The following PCDH15 variants were observed in gnomAD, a reference collection of about 807,000 sequenced individuals.
The protein encoded by PCDH15 is protocadherin-15.
In PCDH15, 129 loss-of-function variants were observed where a neutral mutation model predicts 178.5. That is an observed-to-expected ratio of 0.72 (90% CI 0.63 to 0.84). The LOEUF (loss-of-function observed/expected upper bound fraction) is 0.84, where lower values mean the gene tolerates loss of function less well. Among genes scored for constraint, PCDH15 ranks in the 40% least tolerant of loss-of-function variants. PCDH15 has a pLI of 0.00. For missense variants in PCDH15, 2,230 were observed against 2,099.9 expected, an observed-to-expected ratio of 1.06 and a Z score of -1.21; for synonymous variants, 800 against 732.0, an observed-to-expected ratio of 1.09 and a Z score of -1.50.
chr10:54,634,703 C>G (rs536094769), intron 2 of PCDH15, among the ~76,000 whole-genome samples: 1 of 152,086 alleles, frequency 6.6e-6, no homozygotes, highest in African/African-American at 2.4e-5. Flanking sequence ...TTTAAAGATG[C>G]TTGCGCGTAT....
intron 34 of PCDH15, among the ~76,000 whole-genome samples, chr10:53,816,678 A>C (rs544668048): frequency 5.3e-5 from 8 of 152,212 alleles, no homozygotes; most frequent in African/African-American, 1.9e-4. Context: ...TTCCTTCCCA[A>C]TCACATTAAA....
At chr10:54,378,690 A>T in intron 4 of PCDH15, 92 bp downstream of exon 4, 1 of 1,394,382 alleles carries the variant, frequency 7.2e-7, no homozygotes, top group East Asian at 2.5e-5. Flanking sequence ...AACTCAAATT[A>T]TGTAAATAAT....
intron 3 of PCDH15, among the ~76,000 whole-genome samples, chr10:54,422,613 C>T (rs1266373016): frequency 2.0e-5 from 3 of 152,156 alleles, no homozygotes; most frequent in African/African-American, 7.2e-5. Flanking sequence ...ACCTCCTCCT[C>T]TCCAAGTTTT....
chr10:53,877,160 T>C (rs979252375), intron 26 of PCDH15, among the ~76,000 whole-genome samples: 2 of 152,154 alleles, frequency 1.3e-5, no homozygotes, highest in Non-Finnish European at 2.9e-5. Flanking sequence ...TTTTATTTTT[T>C]CCTTTCTTTT....
chr10:54,663,287 T>C (rs1271032147), intron 2 of PCDH15, among the ~76,000 whole-genome samples: 1 of 151,578 alleles, frequency 6.6e-6, no homozygotes, highest in Non-Finnish European at 1.5e-5. Flanking sequence ...CTGTGCATCA[T>C]GAATGCCAAA....
intron 8 of PCDH15, among the ~76,000 whole-genome samples, chr10:54,315,332 T>C (rs2061176394): frequency 6.6e-6 from 1 of 152,238 alleles, no homozygotes; most frequent in African/African-American, 2.4e-5. Context: ...CACATGTATG[T>C]ATTCTTTTGA....
chr10:54,292,853 T>C (rs2059507902), intron 8 of PCDH15, among the ~76,000 whole-genome samples: 1 of 152,092 alleles, frequency 6.6e-6, no homozygotes, highest in Non-Finnish European at 1.5e-5. Context: ...TGCTCATAGA[T>C]AGGAAGAATC....
chr10:55,223,638 C>T (rs915673374), intron 1 of PCDH15, among the ~76,000 whole-genome samples: 7 of 152,078 alleles, frequency 4.6e-5, no homozygotes, highest in African/African-American at 1.7e-4. Flanking sequence ...ATAGCACAAT[C>T]AAAACTCTGC....
intron 13 of PCDH15, among the ~76,000 whole-genome samples, chr10:54,168,583 C>A (rs28843409): frequency 0.38 from 56,813 of 150,402 alleles, 11,297 homozygotes; most frequent in Non-Finnish European, 0.47. Flanking sequence ...CAGCAATTTA[C>A]TCTTAAAAAG....
At chr10:54,709,627 T>TATA (rs1491235711) in intron 1 of PCDH15, among the ~76,000 whole-genome samples, 1 of 141,846 alleles carries the variant, frequency 7.0e-6, no homozygotes, top group South Asian at 2.2e-4. Context: ...TATATATATA[T>TATA]AAAATCACTT....
intron 2 of PCDH15, among the ~76,000 whole-genome samples, chr10:55,145,875 TTG>T (rs5785118): frequency 0.37 from 56,424 of 151,632 alleles, 10,886 homozygotes; most frequent in Admixed American, 0.47. Flanking sequence ...TTACAAACTC[TTG>T]ACTGTAAGTC....
chr10:54,717,083 T>A (rs2095489805), intron 1 of PCDH15, among the ~76,000 whole-genome samples: 1 of 146,642 alleles, frequency 6.8e-6, no homozygotes, highest in Non-Finnish European at 1.5e-5. Flanking sequence ...CTGGATCCCT[T>A]CCTTACACCT....
chr10:55,054,646 CA>C (rs138792560), intron 2 of PCDH15, among the ~76,000 whole-genome samples: 4,147 of 152,200 alleles, frequency 0.027, 284 homozygotes, highest in East Asian at 0.22. Context: ...CTCCCACCAA[CA>C]GTATAAGCAT....
At chr10:53,984,136 C>CTTT (rs1564928589) in intron 21 of PCDH15, among the ~76,000 whole-genome samples, 7 of 73,538 alleles carry the variant, frequency 9.5e-5, no homozygotes, top group African/African-American at 3.4e-4. Flanking sequence ...TTTTTTTTTT[C>CTTT]TTTTTTCTTT....
At chr10:55,410,341 T>C in intron 2 of PCDH15, among the ~76,000 whole-genome samples, 1 of 142,952 alleles carries the variant, frequency 7.0e-6, no homozygotes. Flanking sequence ...TGAATCTTCA[T>C]TAATTTTTTT....
chr10:54,043,090 A>G (rs2093583324), intron 18 of PCDH15, among the ~76,000 whole-genome samples: 1 of 152,088 alleles, frequency 6.6e-6, no homozygotes, highest in Non-Finnish European at 1.5e-5. Context: ...CCTGAGATGA[A>G]CTGATATGGT....
chr10:55,223,434 T>C (rs1840941296), intron 1 of PCDH15, among the ~76,000 whole-genome samples: 1 of 152,138 alleles, frequency 6.6e-6, no homozygotes, highest in Admixed American at 6.5e-5. Flanking sequence ...GATAACACTG[T>C]AAACATTCTA....
chr10:54,045,244 T>C (rs2093631988), intron 18 of PCDH15, among the ~76,000 whole-genome samples: 1 of 152,134 alleles, frequency 6.6e-6, no homozygotes, highest in Non-Finnish European at 1.5e-5. Context: ...GGGAAAGGCA[T>C]ACTTTCGTCC....
intron 15 of PCDH15, among the ~76,000 whole-genome samples, chr10:54,125,256 C>A (rs879284936): frequency 1.3e-5 from 2 of 151,854 alleles, no homozygotes; most frequent in African/African-American, 4.8e-5. Context: ...GCTGTTATAC[C>A]TGTTATTGCA....
Sources: gnomAD v4.1 joint callset for allele counts (sites outside exome capture counted in the v4.1 genomes callset) on GRCh38, gnomAD v4.1.1 for gene constraint, MANE v1.5 for transcripts, NCBI Gene and HGNC (gene_info 2026-07-23, HGNC 2026-07-21) for gene names.